NCAM2: variants seen among roughly 807,000 people sequenced by gnomAD.
NCAM2 encodes the protein N-CAM-2.
A neutral mutation model predicts 98.1 loss-of-function variants in NCAM2; 30 were observed. The observed-to-expected ratio is 0.31, with a 90% CI of 0.23 to 0.41. The LOEUF (loss-of-function observed/expected upper bound fraction) is 0.41, where lower values mean the gene tolerates loss of function less well. Among genes scored for constraint, NCAM2 ranks in the 10% least tolerant of loss-of-function variants. The pLI is 1.00. For missense variants in NCAM2, 867 were observed against 1,005.8 expected (o/e 0.86, Z 1.87); for synonymous variants, 368 against 342.4 (o/e 1.07, Z -0.83).
chr21:21,070,344 A>G (rs1276740396), intron 1 of NCAM2, among the ~76,000 whole-genome samples: 1 of 150,758 alleles, frequency 6.6e-6, no homozygotes, highest in African/African-American at 2.4e-5. Flanking sequence ...AATAGAAGAT[A>G]GAAAAAATAA....
chr21:21,398,868 C>T (rs991144028), intron 9 of NCAM2, among the ~76,000 whole-genome samples: 1 of 152,170 alleles, frequency 6.6e-6, no homozygotes, highest in African/African-American at 2.4e-5. Context: ...TTCAGCTGCT[C>T]ATCACTTGAA....
chr21:21,047,022 T>C (rs1260573251), intron 1 of NCAM2, among the ~76,000 whole-genome samples: 2 of 150,480 alleles, frequency 1.3e-5, no homozygotes, highest in African/African-American at 4.9e-5. Flanking sequence ...TAAGTGTTTA[T>C]AGCTGCTTTA....
At chr21:21,470,799 T>G (rs1160006546) in intron 14 of NCAM2, among the ~76,000 whole-genome samples, 1 of 152,038 alleles carries the variant, frequency 6.6e-6, no homozygotes, top group Non-Finnish European at 1.5e-5. Context: ...TGATAATCAA[T>G]CAATTACTAA....
chr21:21,453,829 T>G (rs1286096019), intron 12 of NCAM2, among the ~76,000 whole-genome samples: 1 of 152,110 alleles, frequency 6.6e-6, no homozygotes, highest in Non-Finnish European at 1.5e-5. Context: ...TTTCCCCCTG[T>G]ATTATTCTTG....
chr21:21,497,132 T>C (rs1987298003), intron 15 of NCAM2, among the ~76,000 whole-genome samples: 3 of 152,128 alleles, frequency 2.0e-5, no homozygotes, highest in Admixed American at 2.0e-4. Flanking sequence ...TATCACATGT[T>C]CTCACTTATA....
At chr21:21,329,550 T>C (rs556547913) in intron 6 of NCAM2, among the ~76,000 whole-genome samples, 1 of 152,234 alleles carries the variant, frequency 6.6e-6, no homozygotes, top group African/African-American at 2.4e-5. Context: ...TTATCCTTTT[T>C]ATGCATGGCT....
chr21:21,327,638 C>A (rs533760043), intron 6 of NCAM2, among the ~76,000 whole-genome samples: 23 of 152,278 alleles, frequency 1.5e-4, no homozygotes, highest in African/African-American at 5.5e-4. Context: ...CCACTCAATA[C>A]AGTTACTAAA....
intron 8 of NCAM2, among the ~76,000 whole-genome samples, chr21:21,372,649 A>C (rs2075945669): frequency 6.6e-6 from 1 of 151,884 alleles, no homozygotes. Flanking sequence ...TTTTAGTGCA[A>C]GTATTTGACT....
rs1990183976 is a variant in NCAM2 at position 21,540,339 on chromosome 21, A to G, written c.*2382A>G. ...AATTTCCTGCCACTCATGTGGAGTA[A>G]TGATCTGAAATTAACAGATAATCTG... On this transcript the variant is annotated 3_prime_UTR_variant, in exon 18 of 18. Coordinates refer to ENST00000400546, the MANE Select transcript of NCAM2 (RefSeq NM_004540.5). 1 of 151,238 alleles carries G rather than the reference A, an allele frequency of 6.6e-6. No homozygotes were observed. The highest frequency in any genetic ancestry group is 2.4e-5 in the African/African-American group (1 of 41,282). 9.4% of individuals were successfully genotyped at this position (151,238 alleles called of 1,614,324 possible). A position where few individuals can be genotyped will look rare whatever the true frequency, so the allele number is the denominator to read the frequency against.
intron 1 of NCAM2, among the ~76,000 whole-genome samples, chr21:21,233,172 T>G (rs1272077749): frequency 1.3e-5 from 2 of 151,580 alleles, no homozygotes; most frequent in East Asian, 3.9e-4. Context: ...AGTTCTTCTT[T>G]CTTTGTTTTG....
intron 1 of NCAM2, among the ~76,000 whole-genome samples, chr21:21,176,359 A>G (rs1158595429): frequency 2.0e-5 from 3 of 152,288 alleles, no homozygotes; most frequent in East Asian, 3.9e-4. Context: ...TGAGAGTGTC[A>G]TAGCAACCAT....
chr21:21,303,073 GA>G (rs1352454401), intron 5 of NCAM2, among the ~76,000 whole-genome samples: 2 of 151,972 alleles, frequency 1.3e-5, no homozygotes, highest in African/African-American at 4.8e-5. Flanking sequence ...CTCCGCATGG[GA>G]ACCATAGACA....
intron 1 of NCAM2, among the ~76,000 whole-genome samples, chr21:21,065,590 A>G (rs1257977502): frequency 6.6e-6 from 1 of 152,160 alleles, no homozygotes; most frequent in Non-Finnish European, 1.5e-5. Flanking sequence ...GTCATTAAAA[A>G]TGACGCCTTG....
intron 10 of NCAM2, among the ~76,000 whole-genome samples, chr21:21,418,152 A>G (rs1402482466): frequency 1.3e-5 from 2 of 151,984 alleles, no homozygotes; most frequent in African/African-American, 2.4e-5. Context: ...ACTGTGTACT[A>G]CTTTCTGAGC....
intron 8 of NCAM2, among the ~76,000 whole-genome samples, chr21:21,347,683 A>G (rs915687028): frequency 6.6e-6 from 1 of 152,026 alleles, no homozygotes; most frequent in African/African-American, 2.4e-5. Context: ...TACCTAAAAC[A>G]AAGACACATA....
At chr21:21,118,956 T>G (rs1026208241) in intron 1 of NCAM2, among the ~76,000 whole-genome samples, 4 of 152,212 alleles carry the variant, frequency 2.6e-5, no homozygotes, top group Non-Finnish European at 4.4e-5. Context: ...CTTTTTAGAC[T>G]AGTGAGCACG....
At chr21:21,245,372 C>T (rs1250633842) in intron 1 of NCAM2, among the ~76,000 whole-genome samples, 1 of 152,086 alleles carries the variant, frequency 6.6e-6, no homozygotes, top group African/African-American at 2.4e-5. Flanking sequence ...TGTGTTCGAC[C>T]CTTCTTTTGT....
At chr21:21,310,524 T>C (rs2074013055) in intron 5 of NCAM2, among the ~76,000 whole-genome samples, 1 of 152,176 alleles carries the variant, frequency 6.6e-6, no homozygotes, top group Non-Finnish European at 1.5e-5. Context: ...ATAGGCAGAA[T>C]TAAAAATGTT....
At chr21:21,050,671 C>T (rs181314093) in intron 1 of NCAM2, among the ~76,000 whole-genome samples, 1 of 152,280 alleles carries the variant, frequency 6.6e-6, no homozygotes. Context: ...GGAGATCTAA[C>T]AAGGAACCTG....
Sources: gnomAD v4.1 joint callset for allele counts (sites outside exome capture counted in the v4.1 genomes callset) on GRCh38, gnomAD v4.1.1 for gene constraint, MANE v1.5 for transcripts, NCBI Gene and HGNC (gene_info 2026-07-23, HGNC 2026-07-21) for gene names.